Variants in CLUH observed in about 807,000 individuals in gnomAD.
CLUH encodes clustered mitochondria protein homolog.
Under a neutral mutation model 139.3 loss-of-function variants are expected in CLUH, and 77 were observed. The observed-to-expected ratio is 0.55, with a 90% CI of 0.46 to 0.67. CLUH has a LOEUF of 0.67. Among genes scored for constraint, CLUH ranks in the 30% least tolerant of loss-of-function variants. CLUH has a pLI of 0.00. For synonymous variants in CLUH, 999 were observed against 801.6 expected, an observed-to-expected ratio of 1.25 and a Z score of -4.16; for missense variants, 1,876 against 1,875.8, an observed-to-expected ratio of 1.00 and a Z score of 0.00.
chr17:2,708,354 C>T (rs545952468), intron 1 of CLUH, among the ~76,000 whole-genome samples: 123 of 152,256 alleles, frequency 8.1e-4, no homozygotes, highest in African/African-American at 1.3e-3. Flanking sequence ...CCTAACCCTC[C>T]GGAGAGAGGG....
At chr17:2,695,691 G>T in intron 13 of CLUH, 165 bp from the exon 14 acceptor site, 1 of 961,952 alleles carries the variant, frequency 1.0e-6, no homozygotes, top group Non-Finnish European at 1.5e-6. Flanking sequence ...CAGGAGCGCA[G>T]GCCAAGAACC....
chr17:2,708,690 G>A (rs1306589790), intron 1 of CLUH, among the ~76,000 whole-genome samples: 2 of 151,104 alleles, frequency 1.3e-5, no homozygotes, highest in African/African-American at 4.9e-5. Context: ...CCCACTGAGC[G>A]CGGGCTACCC....
chr17:2,699,025 G>A (rs1597614166), intron 9 of CLUH, among the ~76,000 whole-genome samples: 1 of 151,960 alleles, frequency 6.6e-6, no homozygotes, highest in South Asian at 2.1e-4. Flanking sequence ...CCAGCCTGGG[G>A]GACAGAGTGA....
In CLUH at chr17:2,698,591, C is replaced by A; in HGVS notation, c.1267-1G>T. The A allele has an allele frequency of 6.3e-7, 1 of 1,594,138 alleles. No individual in the cohort carries two copies. The highest frequency in any genetic ancestry group is 1.1e-5 in the South Asian group (1 of 89,038). ...CTGCCGCGGTGAAGTCGCTGTGCAC[C>A]TGGCGGGGGTCGAGGAGGGCAGGGT... On this transcript the variant is annotated splice_acceptor_variant, in intron 9 of 25. Coordinates refer to ENST00000651024, the MANE Select transcript of CLUH (RefSeq NM_001366661.1). LOFTEE classifies it high-confidence loss of function.
At position 2,695,092 on chromosome 17, in the gene CLUH, G is replaced by A. The variant is rs766769624; in HGVS notation, c.2617C>T (p.Leu873Phe). Reference sequence around the variant, plus strand: ...CTGATGGCGGCTGAGAGGCCGGAGAGCTCGACTCCCTGCGAGGCAGGTTGG... The same window carrying A: ...CTGATGGCGGCTGAGAGGCCGGAGAACTCGACTCCCTGCGAGGCAGGTTGG... ...IFKTYLQGVE[L>F]SGLSAAISHF... Residue 873 changes from leucine (L) to phenylalanine (F), a missense_variant, in exon 16 of 26, where the codon CTC (leucine) becomes TTC (phenylalanine). By Grantham distance (22) the Leu-to-Phe change is conservative (BLOSUM62 0). Coordinates refer to ENST00000651024, the MANE Select transcript of CLUH (RefSeq NM_001366661.1). The A allele has an allele frequency of 6.2e-7, 1 of 1,612,106 alleles. No individual in the cohort carries two copies.
At position 2,690,287 on chromosome 17, in the gene CLUH, C is replaced by G; in HGVS notation, c.*307G>C. On this transcript the variant is annotated 3_prime_UTR_variant, in exon 26 of 26. Coordinates refer to ENST00000651024, the MANE Select transcript of CLUH (RefSeq NM_001366661.1). ...GTCAACACTCACAGCCAGGGGCGCACTCGCACACGCCGGCCGGACGGCGGG... is the reference window on the plus strand; with the variant it reads ...GTCAACACTCACAGCCAGGGGCGCAGTCGCACACGCCGGCCGGACGGCGGG... 1 of 350,436 alleles carries G rather than the reference C, an allele frequency of 2.9e-6. No homozygotes were observed. Among genetic ancestry groups the G allele is most frequent in the East Asian group, 4.5e-5 (1 of 22,106 alleles). 21.7% of individuals were successfully genotyped at this position (350,436 alleles called of 1,614,324 possible).
In CLUH at chr17:2,701,396, G is replaced by A. The variant is rs1378513701; in HGVS notation, c.869C>T (p.Thr290Ile). 1.2e-6 allele frequency: 2 copies of A among 1,610,460 alleles called. No individual in the cohort carries two copies. Among genetic ancestry groups the A allele is most frequent in the Non-Finnish European group, 1.7e-6 (2 of 1,178,554 alleles). Residue 290 changes from threonine (T) to isoleucine (I), a missense_variant, in exon 6 of 26, where the codon ACC (threonine) becomes ATC (isoleucine). Thr to Ile is a moderately conservative substitution (Grantham distance 89). Coordinates refer to ENST00000651024, the MANE Select transcript of CLUH (RefSeq NM_001366661.1). ...CAGGTAAAAGCCCCGTGTGGACGCG[G>A]TGATGCTGACTTGCCGGTCCTCGGC... ...ITAEDRQVSI[T>I]ASTRGFYLNQ...
At chr17:2,696,697 C>T (rs372094700) in intron 11 of CLUH, 22 bp downstream of exon 11, 117 of 1,609,342 alleles carry the variant, frequency 7.3e-5, no homozygotes, top group Non-Finnish European at 9.2e-5. Flanking sequence ...GGCTCTCTCC[C>T]GGCCATCTGC....
In CLUH at chr17:2,710,065, C is replaced by T. The variant is rs369369831; in HGVS notation, c.100+1497G>A. On this transcript the variant is annotated intron_variant, in intron 1 of 25. Coordinates refer to ENST00000651024, the MANE Select transcript of CLUH (RefSeq NM_001366661.1). Reference sequence around the variant, plus strand: ...CTAGTTCTCAGCACGGGATCCAAACCAACACGCCTGTCCCAGCTTCCTCTG... The same window carrying T: ...CTAGTTCTCAGCACGGGATCCAAACTAACACGCCTGTCCCAGCTTCCTCTG... 8.5e-5 allele frequency among the ~76,000 whole-genome samples: 13 copies of T among 152,202 alleles called. No individual in the cohort carries two copies. In the South Asian group the frequency reaches 2.7e-3, roughly 32 times the overall value.
chr17:2,696,815 C>T lies in CLUH; in HGVS notation c.2089G>A (p.Gly697Arg). The part of the protein sequence containing the change: ...SLESKSEDPP[G>R]QEAGSEEEGS... ...TCCTCCTCACTTCCCGCCTCCTGTC[C>T]TGGAGGATCCTCAGACTTGGACTCC... is the stretch of plus-strand genomic sequence containing the variant. The change falls in exon 11 of 26, where the codon GGA becomes AGA. Residue 697 changes from glycine to arginine, a missense_variant. This residue lies in a region of CLUH where 1,454 missense variants were observed against 1,384.4 expected (regional missense o/e 1.05). Coordinates refer to ENST00000651024, the MANE Select transcript of CLUH (RefSeq NM_001366661.1). The T allele has an allele frequency of 6.2e-7, 1 of 1,613,550 alleles. No homozygotes were observed.
intron 16 of CLUH, 31 bp downstream of exon 16, chr17:2,694,826 A>ACCCCC: frequency 3.8e-6 from 3 of 796,172 alleles, no homozygotes; most frequent in Non-Finnish European, 5.5e-6. Flanking sequence ...GCCCAATCCC[A>ACCCCC]CCCACCCCAC....
rs562297768 is a variant in CLUH, at chr17:2,707,134, C to T, written c.101-2570G>A. 4.7e-4 allele frequency: 456 copies of T among 977,054 alleles called. 5 individuals carry two copies. The South Asian group carries it at 0.017, about 37-fold the overall frequency. The allele number at this position is 977,054 out of a possible 1,614,324, so 60.5% of individuals were successfully genotyped here. On this transcript the variant is annotated intron_variant, in intron 1 of 25. Coordinates refer to ENST00000651024, the MANE Select transcript of CLUH (RefSeq NM_001366661.1). The surrounding 1 kb of genome is among the most constrained non-coding windows in gnomAD (Gnocchi z 7.4). ...TGGATGAAGGCTGAGCGATCTCCCC[C>T]GCAGGCAGCTGGCTGGCTCACCAGG...
chr17:2,697,171 G>T (rs148502086), intron 10 of CLUH, among the ~76,000 whole-genome samples: 2,825 of 152,216 alleles, frequency 0.019, 83 homozygotes, highest in African/African-American at 0.065. Flanking sequence ...GACGAGGCAG[G>T]CAGATCACTT....
At chr17:2,696,101 G>T in intron 13 of CLUH, 58 bp downstream of exon 13, 1 of 1,384,400 alleles carries the variant, frequency 7.2e-7, no homozygotes. Flanking sequence ...GTCGGAGACA[G>T]ATGAGGGACC....
chr17:2,697,083 A>C (rs1188718346), intron 10 of CLUH, 141 bp from the exon 11 acceptor site: 1 of 649,692 alleles, frequency 1.5e-6, no homozygotes, highest in African/African-American at 1.8e-5. Context: ...TCAACGCAGA[A>C]AAACCAAGAT....
intron 13 of CLUH, 38 bp downstream of exon 13, chr17:2,696,121 C>T (rs1205010602): frequency 6.0e-6 from 9 of 1,491,102 alleles, no homozygotes; most frequent in South Asian, 1.2e-5. Context: ...CAGCACCCTC[C>T]ACACAAGCCC....
In CLUH at chr17:2,711,669, G is replaced by A. The variant is rs1249206739; in HGVS notation, c.-8C>T. The A allele has an allele frequency of 2.9e-5, 28 of 981,902 alleles. No individual in the cohort carries two copies. The highest frequency in any genetic ancestry group is 1.1e-4 in the East Asian group (1 of 8,780). The allele number at this position is 981,902 out of a possible 1,614,324, so 60.8% of individuals were successfully genotyped here. On this transcript the variant is annotated 5_prime_UTR_variant, in exon 1 of 26. Coordinates refer to ENST00000651024, the MANE Select transcript of CLUH (RefSeq NM_001366661.1). Reference sequence around the variant, plus strand: ...GTCCGTCTTGATAACCATGGTGGCGGGAGCGGGCGTCCGCCTCGGCTGTCC... The same window carrying A: ...GTCCGTCTTGATAACCATGGTGGCGAGAGCGGGCGTCCGCCTCGGCTGTCC...
In CLUH at chr17:2,696,851, GACC is replaced by G. The variant is rs2151704326; in HGVS notation, c.2050_2052del (p.Gly684del). ...TCAGACTTGGACTCCAAGGAGGAAG[GACC>G]ACCATTTTCCAGGGAGGAGGGGGTC... On this transcript the variant is annotated inframe_deletion, in exon 11 of 26. Coordinates refer to ENST00000651024, the MANE Select transcript of CLUH (RefSeq NM_001366661.1). The G allele has an allele frequency of 6.2e-7, 1 of 1,613,536 alleles. No homozygotes were observed. The highest frequency in any genetic ancestry group is 8.5e-7 in the Non-Finnish European group (1 of 1,179,862).
rs989532331 is a variant in CLUH, at chr17:2,706,651, C to A, written c.101-2087G>T. The stretch of plus-strand genomic sequence containing the variant: ...CCACACACCTGCCTGACTCTAGTGA[C>A]AGAGCAGAAAGACAGCCGGGGCGGT... On this transcript the variant is annotated intron_variant, in intron 1 of 25. Transcript: ENST00000651024. The surrounding 1 kb of genome is among the most constrained non-coding windows in gnomAD (Gnocchi z 4.6). 1.3e-5 allele frequency among the ~76,000 whole-genome samples: 2 copies of A among 152,126 alleles called. No individual in the cohort carries two copies. Among genetic ancestry groups the A allele is most frequent in the Non-Finnish European group, 2.9e-5 (2 of 68,022 alleles).
Sources: gnomAD v4.1 joint callset for allele counts (sites outside exome capture counted in the v4.1 genomes callset) on GRCh38, gnomAD v4.1.1 for gene constraint, gnomAD v4.1.1 regional missense constraint, Gnocchi (gnomAD v3.1) non-coding constraint, MANE v1.5 for transcripts, NCBI Gene and HGNC (gene_info 2026-07-23, HGNC 2026-07-21) for gene names.